Variants in DEPTOR observed in about 807,000 individuals in gnomAD.
The protein encoded by DEPTOR is DEP domain-containing mTOR-interacting protein.
Under a neutral mutation model 41.6 loss-of-function variants are expected in DEPTOR, and 41 were observed. That is an observed-to-expected ratio of 0.98 (90% CI 0.77 to 1.28). The LOEUF (loss-of-function observed/expected upper bound fraction) is 1.28, where lower values mean the gene tolerates loss of function less well. DEPTOR is among the 50% of genes most tolerant of loss of function. DEPTOR has a pLI of 0.00. For missense variants in DEPTOR, 514 were observed against 527.9 expected (o/e 0.97, Z 0.26); for synonymous variants, 195 against 192.3 (o/e 1.01, Z -0.12).
intron 8 of DEPTOR, among the ~76,000 whole-genome samples, chr8:120,030,274 C>T (rs1401813): frequency 0.64 from 97,183 of 151,636 alleles, 31,779 homozygotes; most frequent in Middle Eastern, 0.75. Flanking sequence ...CTTCCTCTTC[C>T]GTTATTTCTG....
intron 4 of DEPTOR, among the ~76,000 whole-genome samples, chr8:119,966,215 A>G (rs1224430815): frequency 1.3e-5 from 2 of 152,176 alleles, no homozygotes; most frequent in African/African-American, 2.4e-5. Context: ...TTGTCATCCC[A>G]GCACTTTGGG....
chr8:119,904,870 C>T (rs1456917651), intron 1 of DEPTOR, among the ~76,000 whole-genome samples: 1 of 151,584 alleles, frequency 6.6e-6, no homozygotes, highest in Non-Finnish European at 1.5e-5. Flanking sequence ...TAGCTCACTA[C>T]AGCCTCAAAC....
intron 4 of DEPTOR, among the ~76,000 whole-genome samples, chr8:119,974,822 A>G (rs759288830): frequency 1.3e-5 from 2 of 151,998 alleles, no homozygotes; most frequent in Admixed American, 6.6e-5. Context: ...CTTAAATACC[A>G]TTATTCCCTG....
rs377443807 is a variant in DEPTOR at position 119,900,380 on chromosome 8, C to CTTTTTTTT, written c.122+26429_122+26436dup. Among the ~76,000 whole-genome samples, 42 of 43,918 alleles carry CTTTTTTTT rather than the reference C, an allele frequency of 9.6e-4. 8 individuals carry two copies. The highest frequency in any genetic ancestry group is 3.1e-3 in the African/African-American group (26 of 8,312). 28.8% of individuals were successfully genotyped at this position (43,918 alleles called of 152,430 possible). A position where few individuals can be genotyped will look rare whatever the true frequency, so the allele number is the denominator to read the frequency against. ...TAAATGTCTATTACACACCCCTCAC[C>CTTTTTTTT]TTTTTTTTTTTTTTTTTTTTTTTTG... On this transcript the variant is annotated intron_variant, in intron 1 of 8. Transcript: ENST00000286234.
intron 3 of DEPTOR, among the ~76,000 whole-genome samples, chr8:119,962,283 C>A (rs927743128): frequency 6.6e-5 from 10 of 151,720 alleles, no homozygotes; most frequent in Non-Finnish European, 1.3e-4. Context: ...AAACAAAAAA[C>A]CCCAAAGTTT....
intron 1 of DEPTOR, among the ~76,000 whole-genome samples, chr8:119,879,260 C>T (rs1025749695): frequency 1.3e-5 from 2 of 152,106 alleles, no homozygotes; most frequent in African/African-American, 4.8e-5. Context: ...AATGGTACAG[C>T]CCCTTTGGAA....
chr8:119,917,698 C>T (rs569900851), intron 1 of DEPTOR, among the ~76,000 whole-genome samples: 2 of 152,276 alleles, frequency 1.3e-5, no homozygotes, highest in Admixed American at 6.5e-5. Flanking sequence ...TGACCTTTCC[C>T]CAGCCCAACA....
intron 1 of DEPTOR, among the ~76,000 whole-genome samples, chr8:119,884,121 G>A (rs1176444491): frequency 2.0e-5 from 3 of 152,204 alleles, no homozygotes; most frequent in African/African-American, 7.2e-5. Flanking sequence ...GCAGTGGCAT[G>A]ATCTTGGCTC....
chr8:120,021,355 AT>A (rs1458251819), intron 8 of DEPTOR, among the ~76,000 whole-genome samples: 4 of 152,180 alleles, frequency 2.6e-5, no homozygotes, highest in Non-Finnish European at 4.4e-5. Flanking sequence ...GTGAGCTGAG[AT>A]TGCGCCACTG....
rs1812564522 is a variant in DEPTOR, at chr8:120,013,583, A to G, written c.1101+4450A>G. Among the ~76,000 whole-genome samples the G allele has an allele frequency of 2.0e-5, 3 of 152,194 alleles. No homozygotes were observed. The South Asian group carries it at 6.2e-4, about 31-fold the overall frequency. On this transcript the variant is annotated intron_variant, in intron 8 of 8. Coordinates refer to ENST00000286234, the MANE Select transcript of DEPTOR (RefSeq NM_022783.4). ...GTGGGAAGGATCCGCCCACTTGGGCACTGATTAACCTGCTAGGTCTGAGTG... is the reference window on the plus strand; with the variant it reads ...GTGGGAAGGATCCGCCCACTTGGGCGCTGATTAACCTGCTAGGTCTGAGTG...
chr8:119,976,722 CA>C (rs879807146), intron 4 of DEPTOR, among the ~76,000 whole-genome samples: 3 of 152,168 alleles, frequency 2.0e-5, no homozygotes, highest in Non-Finnish European at 4.4e-5. Flanking sequence ...TTGCCGTCTC[CA>C]GATGCTAATG....
intron 8 of DEPTOR, among the ~76,000 whole-genome samples, chr8:120,014,461 GA>G (rs1217451219): frequency 5.9e-5 from 9 of 152,066 alleles, no homozygotes; most frequent in African/African-American, 1.9e-4. Flanking sequence ...ATTCCAGGAG[GA>G]AAAAAATCTG....
chr8:119,949,975 C>T (rs1586628960), intron 3 of DEPTOR, among the ~76,000 whole-genome samples: 1 of 152,148 alleles, frequency 6.6e-6, no homozygotes, highest in East Asian at 1.9e-4. Flanking sequence ...TCACTGCGAC[C>T]AGACTGTAAT....
rs369866463 is a variant in DEPTOR, at chr8:119,991,024, G to GTTTTCTTTTC, written c.605-10497_605-10488dup. Among the ~76,000 whole-genome samples, 448 of 83,858 alleles carry GTTTTCTTTTC rather than the reference G, an allele frequency of 5.3e-3. 32 individuals carry two copies. Among genetic ancestry groups the GTTTTCTTTTC allele is most frequent in the Admixed American group, 7.4e-3 (53 of 7,198 alleles). The allele number at this position is 83,858 out of a possible 152,430, so 55.0% of individuals were successfully genotyped here. On this transcript the variant is annotated intron_variant, in intron 4 of 8. Coordinates refer to ENST00000286234, the MANE Select transcript of DEPTOR (RefSeq NM_022783.4). ...TGAGATGGCCTTAAGTACAGCTCGG[G>GTTTTCTTTTC]TTTTCTTTTCTTTCTTTCTTTCTTT...
chr8:119,908,097 G>C lies in DEPTOR; in HGVS notation c.123-20303G>C, dbSNP rs539096437. ...CCACCAACCACTAGGAAAAGTGGAG[G>C]CCGAAGGAGTCCGGAGATCAAACTG... is the stretch of plus-strand genomic sequence containing the variant. On this transcript the variant is annotated intron_variant, in intron 1 of 8. Coordinates refer to ENST00000286234, the MANE Select transcript of DEPTOR (RefSeq NM_022783.4). Among the ~76,000 whole-genome samples, 6 of 152,270 alleles carry C rather than the reference G, an allele frequency of 3.9e-5. No individual in the cohort carries two copies. In the South Asian group the frequency reaches 1.2e-3, roughly 32 times the overall value.
intron 2 of DEPTOR, among the ~76,000 whole-genome samples, chr8:119,929,326 C>G (rs1045116592): frequency 2.0e-5 from 3 of 152,130 alleles, no homozygotes; most frequent in African/African-American, 7.2e-5. Context: ...TTCAGGGAAG[C>G]TTTCTTTTTC....
rs557819977 is a variant in DEPTOR at position 120,048,346 on chromosome 8, C to A, written c.1102-1230C>A. 3.3e-5 allele frequency among the ~76,000 whole-genome samples: 5 copies of A among 152,304 alleles called. No individual in the cohort carries two copies. In the East Asian group the frequency reaches 9.7e-4, roughly 29 times the overall value. On this transcript the variant is annotated intron_variant, in intron 8 of 8. Transcript: ENST00000286234. Reference sequence around the variant, plus strand: ...AAAACAAAGCCCAGGCTGATGCCTGCTAAATTGCAAATTACTGCTAAATTG... The same window carrying A: ...AAAACAAAGCCCAGGCTGATGCCTGATAAATTGCAAATTACTGCTAAATTG...
At chr8:119,874,601 G>A (rs914535008) in intron 1 of DEPTOR, 1 of 152,268 alleles carries the variant, frequency 6.6e-6, no homozygotes. Context: ...GGTCCGCAAG[G>A]GGGCGTGGAG....
chr8:120,004,532 T>A (rs1269807913), intron 6 of DEPTOR, among the ~76,000 whole-genome samples: 1 of 152,228 alleles, frequency 6.6e-6, no homozygotes, highest in Non-Finnish European at 1.5e-5. Context: ...ATAACCATTT[T>A]ACAAGTTTTT....
Sources: gnomAD v4.1 joint callset for allele counts (sites outside exome capture counted in the v4.1 genomes callset) on GRCh38, gnomAD v4.1.1 for gene constraint, MANE v1.5 for transcripts, NCBI Gene and HGNC (gene_info 2026-07-23, HGNC 2026-07-21) for gene names.